Variants in DPP10 observed in about 807,000 individuals in gnomAD.
DPP10 encodes the protein inactive dipeptidyl peptidase 10.
In DPP10, 33 loss-of-function variants were observed where a neutral mutation model predicts 120.9. That is an observed-to-expected ratio of 0.27 (90% CI 0.21 to 0.37). The LOEUF is 0.37. DPP10 is among the 10% of genes least tolerant of loss of function. The pLI is 1.00. For missense variants in DPP10, 816 were observed against 942.8 expected (o/e 0.87, Z 1.76); for synonymous variants, 337 against 326.1 (o/e 1.03, Z -0.36).
chr2:115,046,002 GTGTGTGTC>G (rs1705037951), intron 1 of DPP10, among the ~76,000 whole-genome samples: 1 of 6,560 alleles, frequency 1.5e-4, no homozygotes, highest in Non-Finnish European at 0.014. Context: ...AAGGCTGTGT[GTGTGTGTC>G]TGTGTGTGTG....
chr2:115,720,834 C>T (rs946729535), intron 7 of DPP10, among the ~76,000 whole-genome samples: 6 of 152,192 alleles, frequency 3.9e-5, no homozygotes, highest in South Asian at 2.1e-4. Flanking sequence ...CAAATTTTTA[C>T]CTCATAAAAC....
intron 1 of DPP10, among the ~76,000 whole-genome samples, chr2:114,555,578 A>G (rs1225486811): frequency 3.3e-5 from 5 of 152,200 alleles, no homozygotes; most frequent in Admixed American, 1.3e-4. Context: ...ATAATTAAGT[A>G]CCTTCTATGC....
intron 1 of DPP10, among the ~76,000 whole-genome samples, chr2:115,003,238 C>T (rs1368610149): frequency 6.7e-6 from 1 of 148,250 alleles, no homozygotes; most frequent in African/African-American, 2.5e-5. Context: ...AACTGGAGGT[C>T]ATTATCCCAG....
At chr2:115,384,484 A>AG (rs2066716794) in intron 3 of DPP10, among the ~76,000 whole-genome samples, 1 of 150,694 alleles carries the variant, frequency 6.6e-6, no homozygotes. Flanking sequence ...AGAAGGAAGA[A>AG]GAAGAAGAAG....
intron 1 of DPP10, among the ~76,000 whole-genome samples, chr2:115,000,879 C>T (rs995557725): frequency 8.0e-5 from 12 of 149,922 alleles, no homozygotes; most frequent in African/African-American, 2.2e-4. Context: ...TAATTCCTAA[C>T]GAGTGAAATC....
intron 1 of DPP10, among the ~76,000 whole-genome samples, chr2:114,970,701 GTTTAC>G (rs1034720044): frequency 2.6e-5 from 4 of 152,066 alleles, no homozygotes; most frequent in African/African-American, 7.2e-5. Context: ...AAGCATCTTT[GTTTAC>G]TTTACACTAA....
rs868710800 is a variant in DPP10, at chr2:115,402,879, G to A, written c.271+58967G>A. Among the ~76,000 whole-genome samples, 602 of 97,254 alleles carry A rather than the reference G, an allele frequency of 6.2e-3. 3 individuals carry two copies. Among genetic ancestry groups the A allele is most frequent in the African/African-American group, 0.02 (562 of 28,568 alleles). The allele number at this position is 97,254 out of a possible 152,430, so 63.8% of individuals were successfully genotyped here. ...AATATATATATATATATATATATGT[G>A]TGTGTGTGTGTGTATATATATATGT... On this transcript the variant is annotated intron_variant, in intron 3 of 25. Coordinates refer to ENST00000410059, the MANE Select transcript of DPP10 (RefSeq NM_020868.6).
chr2:114,977,849 CTT>C (rs113944879), intron 1 of DPP10, among the ~76,000 whole-genome samples: 10 of 143,406 alleles, frequency 7.0e-5, no homozygotes, highest in East Asian at 2.0e-4. Flanking sequence ...TTTCTTTTTT[CTT>C]TTTTTTTTTT....
intron 5 of DPP10, among the ~76,000 whole-genome samples, chr2:115,596,736 A>C (rs1207788608): frequency 6.6e-6 from 1 of 152,196 alleles, no homozygotes; most frequent in East Asian, 1.9e-4. Context: ...GGAAAAAATT[A>C]TGTGAGTAAA....
intron 1 of DPP10, among the ~76,000 whole-genome samples, chr2:114,615,343 G>A (rs139060787): frequency 1.8e-4 from 28 of 152,148 alleles, no homozygotes; most frequent in African/African-American, 6.3e-4. Flanking sequence ...TATTGGCCAC[G>A]GTTGTAGTTT....
intron 1 of DPP10, among the ~76,000 whole-genome samples, chr2:114,471,486 G>A (rs564024065): frequency 6.6e-6 from 1 of 152,222 alleles, no homozygotes; most frequent in East Asian, 1.9e-4. Context: ...CCTTTACACC[G>A]ACAACCTCCC....
chr2:115,139,685 A>G (rs189000182), intron 1 of DPP10, among the ~76,000 whole-genome samples: 1 of 145,016 alleles, frequency 6.9e-6, no homozygotes, highest in East Asian at 2.2e-4. Flanking sequence ...GCAGTTGAAT[A>G]GCCTGCAATT....
At chr2:114,986,543 A>G (rs1463508592) in intron 1 of DPP10, among the ~76,000 whole-genome samples, 3 of 152,098 alleles carry the variant, frequency 2.0e-5, no homozygotes, top group Non-Finnish European at 4.4e-5. Context: ...GAGGGTGATC[A>G]TGATTTTAAC....
chr2:114,513,842 A>G (rs1684374773), intron 1 of DPP10, among the ~76,000 whole-genome samples: 1 of 152,204 alleles, frequency 6.6e-6, no homozygotes, highest in Admixed American at 6.5e-5. Flanking sequence ...TGAAAATGAA[A>G]TGACTTCAGA....
intron 1 of DPP10, among the ~76,000 whole-genome samples, chr2:115,063,086 A>G (rs1706547837): frequency 6.6e-6 from 1 of 152,122 alleles, no homozygotes; most frequent in African/African-American, 2.4e-5. Flanking sequence ...CACTATTTTG[A>G]CTGTTGTGAG....
chr2:115,326,032 C>T (rs1028703752), intron 2 of DPP10, among the ~76,000 whole-genome samples: 4 of 152,118 alleles, frequency 2.6e-5, no homozygotes, highest in Non-Finnish European at 4.4e-5. Flanking sequence ...TATTTTAATA[C>T]TCTGCTACAT....
chr2:115,283,591 T>C (rs1370733076), intron 1 of DPP10, among the ~76,000 whole-genome samples: 1 of 152,056 alleles, frequency 6.6e-6, no homozygotes, highest in African/African-American at 2.4e-5. Context: ...TTAACTAGGA[T>C]TTTACTCTTA....
chr2:115,312,071 G>C (rs935574065), intron 2 of DPP10, among the ~76,000 whole-genome samples: 10 of 151,966 alleles, frequency 6.6e-5, no homozygotes, highest in Non-Finnish European at 1.3e-4. Context: ...TTATTATTTA[G>C]ATTTACAGTT....
At chr2:114,727,180 G>A (rs975326319) in intron 1 of DPP10, among the ~76,000 whole-genome samples, 1 of 152,136 alleles carries the variant, frequency 6.6e-6, no homozygotes, top group Admixed American at 6.6e-5. Flanking sequence ...GGGCTTCTCT[G>A]GGGAACACTG....
Sources: gnomAD v4.1 joint callset for allele counts (sites outside exome capture counted in the v4.1 genomes callset) on GRCh38, gnomAD v4.1.1 for gene constraint, MANE v1.5 for transcripts, NCBI Gene and HGNC (gene_info 2026-07-23, HGNC 2026-07-21) for gene names.